The following PARN variants were observed in gnomAD, a reference collection of about 807,000 sequenced individuals.
The protein encoded by PARN is poly(A)-specific ribonuclease.
A neutral mutation model predicts 102.8 loss-of-function variants in PARN; 71 were observed. The observed-to-expected ratio is 0.69, with a 90% CI of 0.57 to 0.84. PARN has a LOEUF of 0.84. Ranked by LOEUF, PARN falls within the 40% of genes least tolerant of loss-of-function variation. The pLI, the probability that PARN is intolerant of heterozygous loss-of-function variation, is 0.00. For missense variants in PARN, 782 were observed against 760.9 expected (o/e 1.03, Z -0.33); for synonymous variants, 261 against 252.9 (o/e 1.03, Z -0.30).
intron 18 of PARN, among the ~76,000 whole-genome samples, chr16:14,557,419 T>C (rs1374289306): frequency 2.0e-5 from 3 of 151,934 alleles, no homozygotes. Context: ...TCGCTGGGCA[T>C]GGTAGCAGGC....
Position 14,532,174 on chromosome 16 carries a change from A to ATT in PARN, c.1480+19845_1480+19846dup, listed in dbSNP as rs35785901. ...TACAAGGCACAAGATTCAAACTCTG[A>ATT]TTTTTTTTTTTTTTTTTTTTAATTG... On this transcript the variant is annotated intron_variant, in intron 21 of 23. Coordinates refer to ENST00000437198, the MANE Select transcript of PARN (RefSeq NM_002582.4). 1.5e-3 allele frequency among the ~76,000 whole-genome samples: 212 copies of ATT among 138,282 alleles called. 1 individual carries two copies. Among genetic ancestry groups the ATT allele is most frequent in the Non-Finnish European group, 2.3e-3 (148 of 63,678 alleles). The allele number at this position is 138,282 out of a possible 152,430, so 90.7% of individuals were successfully genotyped here.
chr16:14,535,261 A>G lies in PARN; in HGVS notation c.1480+16760T>C, dbSNP rs1231368050. Among the ~76,000 whole-genome samples the G allele has an allele frequency of 2.0e-5, 3 of 152,236 alleles. No homozygotes were observed. The East Asian group carries it at 5.8e-4, about 29-fold the overall frequency. ...CCTGGTCTGAGGTGCTCAGGTCACC[A>G]CTGCCATCAATTTTAAGTTACCTAA... On this transcript the variant is annotated intron_variant, in intron 21 of 23. Coordinates refer to ENST00000437198, the MANE Select transcript of PARN (RefSeq NM_002582.4).
chr16:14,591,517 A>G (rs1358828589), intron 13 of PARN, among the ~76,000 whole-genome samples: 2 of 152,234 alleles, frequency 1.3e-5, no homozygotes, highest in African/African-American at 4.8e-5. Flanking sequence ...CGGCTATGCC[A>G]ATTGGTTTAC....
At chr16:14,580,472 G>C (rs1020060168) in intron 18 of PARN, among the ~76,000 whole-genome samples, 1 of 151,870 alleles carries the variant, frequency 6.6e-6, no homozygotes, top group Admixed American at 6.6e-5. Context: ...ATTTTTAATA[G>C]AGACGAGTTT....
chr16:14,604,074 G>T, intron 11 of PARN, 72 bp downstream of exon 11: 1 of 915,180 alleles, frequency 1.1e-6, no homozygotes. Context: ...CATATGATCT[G>T]AAATAGACAG....
chr16:14,494,087 G>C (rs1387070991), intron 21 of PARN, among the ~76,000 whole-genome samples: 1 of 152,130 alleles, frequency 6.6e-6, no homozygotes, highest in Non-Finnish European at 1.5e-5. Context: ...TTTGAAACCT[G>C]CCTACACGGA....
intron 20 of PARN, 119 bp from the exon 21 acceptor site, chr16:14,552,214 T>C: frequency 1.5e-6 from 1 of 651,452 alleles, no homozygotes; most frequent in African/African-American, 1.8e-5. Context: ...AAGGTGCTTA[T>C]TTAAAATGTG....
chr16:14,586,854 A>T (rs74965075), intron 13 of PARN, among the ~76,000 whole-genome samples: 6,658 of 152,284 alleles, frequency 0.044, 158 homozygotes, highest in African/African-American at 0.054. Flanking sequence ...GTTAGTAAAA[A>T]TGGCCTTGGA....
intron 6 of PARN, among the ~76,000 whole-genome samples, chr16:14,613,663 G>GTAGAAAGA (rs1262372099): frequency 6.6e-6 from 1 of 152,122 alleles, no homozygotes; most frequent in Non-Finnish European, 1.5e-5. Flanking sequence ...TAAGGAATTT[G>GTAGAAAGA]TAGAAAGAAC....
At chr16:14,508,454 G>A (rs1358407224) in intron 21 of PARN, among the ~76,000 whole-genome samples, 1 of 152,084 alleles carries the variant, frequency 6.6e-6, no homozygotes, top group East Asian at 1.9e-4. Context: ...CCTGGACTCA[G>A]AACATAATAT....
intron 12 of PARN, 40 bp downstream of exon 12, chr16:14,599,864 G>A (rs764040031): frequency 7.9e-7 from 1 of 1,258,366 alleles, no homozygotes; most frequent in Non-Finnish European, 1.1e-6. Flanking sequence ...ACCTGAAATA[G>A]TATGTTCTGC....
At chr16:14,606,268 G>T (rs968613767) in intron 10 of PARN, among the ~76,000 whole-genome samples, 1 of 151,990 alleles carries the variant, frequency 6.6e-6, no homozygotes, top group African/African-American at 2.4e-5. Context: ...AAGCATGGTG[G>T]CACGAGCCTG....
chr16:14,560,092 CCTGCA>C (rs1401258955), intron 18 of PARN, among the ~76,000 whole-genome samples: 2 of 152,190 alleles, frequency 1.3e-5, no homozygotes, highest in African/African-American at 2.4e-5. Context: ...TGTCAAATGG[CCTGCA>C]CTGACTCCCT....
intron 21 of PARN, among the ~76,000 whole-genome samples, chr16:14,495,872 G>C (rs1016209215): frequency 1.3e-5 from 2 of 152,198 alleles, no homozygotes; most frequent in African/African-American, 2.4e-5. Context: ...GGGGCAGGAA[G>C]TCGCACCTGG....
intron 18 of PARN, among the ~76,000 whole-genome samples, chr16:14,564,503 C>T (rs1045842036): frequency 1.3e-5 from 2 of 152,110 alleles, no homozygotes; most frequent in Non-Finnish European, 2.9e-5. Context: ...GGGCATGGGG[C>T]TTGCCAGGCA....
chr16:14,598,441 A>G (rs1970662030), intron 12 of PARN, among the ~76,000 whole-genome samples: 1 of 152,194 alleles, frequency 6.6e-6, no homozygotes, highest in Non-Finnish European at 1.5e-5. Flanking sequence ...GACGGCTACA[A>G]AAGAGCTCAA....
intron 22 of PARN, among the ~76,000 whole-genome samples, chr16:14,474,312 TTTTTA>T (rs1383052875): frequency 3.3e-5 from 5 of 152,192 alleles, no homozygotes; most frequent in Admixed American, 6.5e-5. Flanking sequence ...GCCAATGATC[TTTTTA>T]TTTGACATGT....
intron 20 of PARN, 140 bp downstream of exon 20, chr16:14,553,925 C>T: frequency 1.6e-6 from 1 of 629,544 alleles, no homozygotes; most frequent in Non-Finnish European, 2.8e-6. Context: ...TATCCTAAAC[C>T]AGAAAATTCA....
chr16:14,547,114 A>G (rs1206705716), intron 21 of PARN, among the ~76,000 whole-genome samples: 5 of 151,966 alleles, frequency 3.3e-5, no homozygotes, highest in African/African-American at 1.2e-4. Context: ...AAAGAAAAAA[A>G]AAGATTTCCT....
Sources: gnomAD v4.1 joint callset for allele counts (sites outside exome capture counted in the v4.1 genomes callset) on GRCh38, gnomAD v4.1.1 for gene constraint, MANE v1.5 for transcripts, NCBI Gene and HGNC (gene_info 2026-07-23, HGNC 2026-07-21) for gene names.